HTR1F: variants seen among roughly 807,000 people sequenced by gnomAD.
The protein encoded by HTR1F is 5-hydroxytryptamine receptor 1F, also known as 5-hydroxytryptamine (serotonin) receptor 1F, G protein-coupled.
In HTR1F, 17 loss-of-function variants were observed where a neutral mutation model predicts 24.0. The ratio of observed to expected loss-of-function variants is 0.71; its 90% CI spans 0.48 to 1.06. The LOEUF (loss-of-function observed/expected upper bound fraction) is 1.06, where lower values mean the gene tolerates loss of function less well. Among genes scored for constraint, HTR1F ranks in the 50% least tolerant of loss-of-function variants. The pLI is 0.00. For missense variants in HTR1F, 391 were observed against 427.8 expected (o/e 0.91, Z 0.76); for synonymous variants, 186 against 156.8 (o/e 1.19, Z -1.39).
At chr3:87,969,773 A>C (rs1430702428) in intron 2 of HTR1F, among the ~76,000 whole-genome samples, 6 of 152,104 alleles carry the variant, frequency 3.9e-5, no homozygotes, top group African/African-American at 1.4e-4. Flanking sequence ...AGGGTGGAAT[A>C]ATATGGTTTG....
intron 2 of HTR1F, among the ~76,000 whole-genome samples, chr3:87,911,520 G>C (rs2107351381): frequency 6.6e-6 from 1 of 152,176 alleles, no homozygotes; most frequent in African/African-American, 2.4e-5. Context: ...TGCACCAGCT[G>C]TACAAAGAGC....
intron 2 of HTR1F, among the ~76,000 whole-genome samples, chr3:87,972,633 A>T (rs887159854): frequency 1.3e-5 from 2 of 152,028 alleles, no homozygotes; most frequent in African/African-American, 4.8e-5. Flanking sequence ...ATTCTTTTCA[A>T]TCCCTTCTAA....
intron 2 of HTR1F, among the ~76,000 whole-genome samples, chr3:87,933,602 C>T (rs1196794955): frequency 6.6e-6 from 1 of 152,080 alleles, no homozygotes; most frequent in Non-Finnish European, 1.5e-5. Flanking sequence ...CTCCCATTCA[C>T]AATTGCTTCA....
chr3:87,898,354 A>G (rs1395289624), intron 2 of HTR1F, among the ~76,000 whole-genome samples: 1 of 152,076 alleles, frequency 6.6e-6, no homozygotes, highest in Non-Finnish European at 1.5e-5. Context: ...GAATTATGAA[A>G]TCTCTTGAGG....
intron 2 of HTR1F, among the ~76,000 whole-genome samples, chr3:87,871,273 A>G (rs1232588923): frequency 5.9e-5 from 9 of 152,044 alleles, no homozygotes; most frequent in Admixed American, 2.0e-4. Flanking sequence ...AAATGAAAAA[A>G]TTGACTAGAG....
intron 2 of HTR1F, among the ~76,000 whole-genome samples, chr3:87,858,742 C>T (rs1292450063): frequency 5.3e-5 from 8 of 151,796 alleles, no homozygotes; most frequent in African/African-American, 1.9e-4. Context: ...AAGTGTGATA[C>T]CTTTACTAAG....
intron 2 of HTR1F, among the ~76,000 whole-genome samples, chr3:87,966,645 T>C (rs1384571346): frequency 6.6e-6 from 1 of 150,598 alleles, no homozygotes; most frequent in East Asian, 1.9e-4. Context: ...TCTTCATTAG[T>C]GATCTAAGAA....
intron 2 of HTR1F, among the ~76,000 whole-genome samples, chr3:87,912,262 G>T (rs568176375): frequency 2.6e-5 from 4 of 151,696 alleles, no homozygotes; most frequent in African/African-American, 9.7e-5. Flanking sequence ...CACTAGTATT[G>T]TTATAAACCA....
intron 1 of HTR1F, among the ~76,000 whole-genome samples, chr3:87,819,673 T>C (rs1317513371): frequency 2.0e-5 from 3 of 152,092 alleles, no homozygotes; most frequent in Non-Finnish European, 4.4e-5. Flanking sequence ...TATTTATTAA[T>C]GAACAAACTT....
At chr3:87,985,540 T>C (rs1431877704) in intron 2 of HTR1F, among the ~76,000 whole-genome samples, 1 of 152,204 alleles carries the variant, frequency 6.6e-6, no homozygotes, top group Non-Finnish European at 1.5e-5. Context: ...AAGACAATAA[T>C]TGTACCTACC....
intron 2 of HTR1F, among the ~76,000 whole-genome samples, chr3:87,934,717 T>G (rs989210674): frequency 6.6e-6 from 1 of 152,170 alleles, no homozygotes; most frequent in Non-Finnish European, 1.5e-5. Context: ...CAATCAAACA[T>G]AAGACTGAAG....
intron 2 of HTR1F, among the ~76,000 whole-genome samples, chr3:87,922,483 T>C (rs1242895940): frequency 1.3e-5 from 2 of 152,020 alleles, no homozygotes; most frequent in African/African-American, 4.8e-5. Context: ...ACTCCGGTGA[T>C]TGTTACCTTT....
intron 1 of HTR1F, among the ~76,000 whole-genome samples, 176 bp from the exon 2 acceptor site, chr3:87,821,832 G>GT (rs1704365175): frequency 6.9e-6 from 1 of 145,746 alleles, no homozygotes; most frequent in African/African-American, 2.8e-5. Context: ...CAAAAAAGAC[G>GT]TTTTTTCTTT....
chr3:87,935,882 G>A lies in HTR1F; in HGVS notation c.-42-54826G>A, dbSNP rs545696240. 5.8e-4 allele frequency among the ~76,000 whole-genome samples: 88 copies of A among 151,024 alleles called. 1 individual carries two copies. The highest frequency in any genetic ancestry group is 1.8e-3 in the African/African-American group (74 of 41,048). On this transcript the variant is annotated intron_variant, in intron 2 of 2. Coordinates refer to ENST00000319595, the MANE Select transcript of HTR1F (RefSeq NM_001322209.2). ...GATTTTTTTTTTTAGATGGAGTCTCGCTCTGTCACCCAGGCTGGAGTGCAG... is the reference window on the plus strand; with the variant it reads ...GATTTTTTTTTTTAGATGGAGTCTCACTCTGTCACCCAGGCTGGAGTGCAG...
chr3:87,905,280 T>C (rs1393419755), intron 2 of HTR1F, among the ~76,000 whole-genome samples: 1 of 151,822 alleles, frequency 6.6e-6, no homozygotes, highest in Non-Finnish European at 1.5e-5. Context: ...AGTGCCACTC[T>C]AGCTTGGGCA....
intron 2 of HTR1F, among the ~76,000 whole-genome samples, chr3:87,837,441 T>G (rs1187081076): frequency 6.6e-6 from 1 of 152,148 alleles, no homozygotes; most frequent in Non-Finnish European, 1.5e-5. Context: ...TGAGCATCAT[T>G]GTAATTATTT....
chr3:87,932,304 C>A (rs1704296579), intron 2 of HTR1F, among the ~76,000 whole-genome samples: 1 of 152,046 alleles, frequency 6.6e-6, no homozygotes, highest in Non-Finnish European at 1.5e-5. Flanking sequence ...AATAGGGAAT[C>A]CTTTCCCTAT....
chr3:87,880,857 T>C (rs746631547), intron 2 of HTR1F, among the ~76,000 whole-genome samples: 2 of 152,226 alleles, frequency 1.3e-5, no homozygotes, highest in Non-Finnish European at 2.9e-5. Flanking sequence ...TAAACTGTAA[T>C]TGGAGACTTA....
chr3:87,842,040 T>G (rs951779082), intron 2 of HTR1F, among the ~76,000 whole-genome samples: 2 of 151,822 alleles, frequency 1.3e-5, no homozygotes, highest in African/African-American at 4.9e-5. Flanking sequence ...AATTAAAAGT[T>G]GATTAGATTG....
Sources: allele counts gnomAD v4.1 joint callset (sites outside exome capture counted in the v4.1 genomes callset), GRCh38; gene constraint gnomAD v4.1.1; transcripts MANE v1.5; gene names NCBI Gene and HGNC (gene_info 2026-07-23, HGNC 2026-07-21).